Variants in KIF5C observed in about 807,000 individuals in gnomAD.
KIF5C encodes the protein kinesin family member 5C.
A neutral mutation model predicts 125.2 loss-of-function variants in KIF5C; 18 were observed. The observed-to-expected ratio is 0.14, with a 90% CI of 0.10 to 0.21. The LOEUF is 0.21. KIF5C is among the 10% of genes least tolerant of loss of function. KIF5C has a pLI of 1.00. For synonymous variants in KIF5C, 405 were observed against 434.0 expected, an observed-to-expected ratio of 0.93 and a Z score of 0.83; for missense variants, 780 against 1,183.8, an observed-to-expected ratio of 0.66 and a Z score of 5.01.
intron 10 of KIF5C, among the ~76,000 whole-genome samples, chr2:148,958,245 A>G (rs1682845218): frequency 6.6e-6 from 1 of 152,184 alleles, no homozygotes; most frequent in Admixed American, 6.5e-5. Flanking sequence ...ATTCTACTTT[A>G]GTAGATACTA....
At chr2:148,994,089 C>G (rs148694134) in intron 16 of KIF5C, among the ~76,000 whole-genome samples, 6 of 152,328 alleles carry the variant, frequency 3.9e-5, no homozygotes, top group African/African-American at 1.4e-4. Flanking sequence ...CAGCCCTGCA[C>G]TTTTCCCAGC....
chr2:148,986,721 T>C (rs1325269103), intron 15 of KIF5C, among the ~76,000 whole-genome samples: 1 of 152,208 alleles, frequency 6.6e-6, no homozygotes, highest in African/African-American at 2.4e-5. Context: ...GGTAGGGCTC[T>C]GGGATGGGGG....
chr2:148,901,201 A>T (rs1171923724), intron 1 of KIF5C, among the ~76,000 whole-genome samples: 1 of 152,226 alleles, frequency 6.6e-6, no homozygotes, highest in Non-Finnish European at 1.5e-5. Context: ...AATATGAGAA[A>T]GCTTTCCATG....
intron 1 of KIF5C, among the ~76,000 whole-genome samples, chr2:148,889,299 T>C (rs1681641848): frequency 6.6e-6 from 1 of 152,246 alleles, no homozygotes. Context: ...TTTTTTTCCC[T>C]GTCTTTTCCT....
intron 13 of KIF5C, among the ~76,000 whole-genome samples, chr2:148,980,962 G>A (rs1339394699): frequency 6.6e-6 from 1 of 151,706 alleles, no homozygotes; most frequent in Non-Finnish European, 1.5e-5. Context: ...CACCTGCCTC[G>A]GCCTCTCAAA....
At chr2:149,012,304 C>G (rs191342461) in intron 25 of KIF5C, among the ~76,000 whole-genome samples, 2 of 152,116 alleles carry the variant, frequency 1.3e-5, no homozygotes, top group Non-Finnish European at 2.9e-5. Flanking sequence ...AAGCAGAGAG[C>G]GAAAACTGTC....
rs1300532355 is a variant in KIF5C, at chr2:149,024,450, A to G, written c.*1380A>G. ...TGTGCCCTGAAGCTTTCACCACTGT[A>G]ATGAAATATATGCCAGGGGAGACTT... On this transcript the variant is annotated 3_prime_UTR_variant, in exon 26 of 26. Coordinates refer to ENST00000435030, the MANE Select transcript of KIF5C (RefSeq NM_004522.3). 1 of 152,192 alleles carries G rather than the reference A, an allele frequency of 6.6e-6. No individual in the cohort carries two copies. The highest frequency in any genetic ancestry group is 1.5e-5 in the Non-Finnish European group (1 of 68,114). The allele number at this position is 152,192 out of a possible 1,614,324, so 9.4% of individuals were successfully genotyped here.
intron 1 of KIF5C, among the ~76,000 whole-genome samples, chr2:148,917,687 A>G (rs1172535465): frequency 1.3e-5 from 2 of 152,228 alleles, no homozygotes; most frequent in African/African-American, 2.4e-5. Flanking sequence ...ATTGTTCTCC[A>G]TAGTCAGTTC....
At chr2:148,881,343 GA>G (rs1681345034) in intron 1 of KIF5C, among the ~76,000 whole-genome samples, 3 of 152,018 alleles carry the variant, frequency 2.0e-5, no homozygotes, top group Non-Finnish European at 4.4e-5. Flanking sequence ...TTTAGCTCTA[GA>G]CTACGTTAGC....
intron 11 of KIF5C, among the ~76,000 whole-genome samples, chr2:148,962,469 G>A (rs758104142): frequency 4.6e-5 from 7 of 151,986 alleles, no homozygotes; most frequent in East Asian, 1.9e-4. Context: ...GTGAGCCACC[G>A]TGCCTGGCCG....
chr2:148,969,962 C>G (rs1444282362), intron 11 of KIF5C, among the ~76,000 whole-genome samples: 1 of 152,166 alleles, frequency 6.6e-6, no homozygotes, highest in Admixed American at 6.5e-5. Flanking sequence ...TGGGCAGGAG[C>G]TGGGCTGCTT....
Position 148,946,937 on chromosome 2 carries a change from C to G in KIF5C, c.628C>G (p.Leu210Val). ...CAGCTCTAGAAGTCACAGTATCTTCCTGATAAATATTAAACAAGAGAATGT... is the reference window on the plus strand; with the variant it reads ...CAGCTCTAGAAGTCACAGTATCTTCGTGATAAATATTAAACAAGAGAATGT... ...EHSSRSHSIF[L>V]INIKQENVET... Residue 210 changes from leucine (L) to valine (V), a missense_variant, in exon 8 of 26, where the codon CTG becomes GTG. Physicochemically the swap from Leu to Val is conservative, Grantham distance 32. Transcript: ENST00000435030. 6.2e-7 allele frequency: 1 copy of G among 1,613,154 alleles called. No homozygotes were observed.
chr2:149,001,204 G>A (rs1053996489), intron 21 of KIF5C, among the ~76,000 whole-genome samples: 8 of 152,236 alleles, frequency 5.3e-5, no homozygotes, highest in Admixed American at 4.6e-4. Context: ...ACGATAAACA[G>A]TAAGGAAACA....
intron 1 of KIF5C, chr2:148,880,014 A>G (rs1007641470): frequency 3.9e-5 from 6 of 152,234 alleles, no homozygotes; most frequent in African/African-American, 1.2e-4. Flanking sequence ...TTAGAGATTA[A>G]GTGAAGAAAT....
chr2:149,009,256 C>A (rs1256418590), intron 23 of KIF5C, among the ~76,000 whole-genome samples: 1 of 152,028 alleles, frequency 6.6e-6, no homozygotes, highest in Non-Finnish European at 1.5e-5. Context: ...TCCCAAAGTG[C>A]TGGAATTACA....
At chr2:148,885,079 G>A (rs112641329) in intron 1 of KIF5C, among the ~76,000 whole-genome samples, 1,746 of 149,762 alleles carry the variant, frequency 0.012, 28 homozygotes, top group African/African-American at 0.041. Flanking sequence ...TGCAACCTCC[G>A]CCTCCCAGGT....
intron 3 of KIF5C, among the ~76,000 whole-genome samples, chr2:148,930,308 C>T (rs530840750): frequency 6.6e-6 from 1 of 151,778 alleles, no homozygotes; most frequent in Non-Finnish European, 1.5e-5. Flanking sequence ...CAAAATTGAA[C>T]CTCTTTGCCT....
At chr2:148,964,107 C>T (rs948103921) in intron 11 of KIF5C, among the ~76,000 whole-genome samples, 3 of 152,130 alleles carry the variant, frequency 2.0e-5, no homozygotes, top group African/African-American at 7.2e-5. Flanking sequence ...GAAACCCTGT[C>T]TCTACTAAAA....
intron 3 of KIF5C, among the ~76,000 whole-genome samples, chr2:148,929,681 T>C (rs1682125888): frequency 6.6e-6 from 1 of 152,178 alleles, no homozygotes; most frequent in Non-Finnish European, 1.5e-5. Context: ...GTTGGGAAAA[T>C]CATTTACCCT....
Sources: allele counts gnomAD v4.1 joint callset (sites outside exome capture counted in the v4.1 genomes callset), GRCh38; gene constraint gnomAD v4.1.1; transcripts MANE v1.5; gene names NCBI Gene and HGNC (gene_info 2026-07-23, HGNC 2026-07-21).